CFAP53: variants seen among roughly 807,000 people sequenced by gnomAD.
CFAP53 encodes cilia and flagella associated protein 53.
In CFAP53, 62 loss-of-function variants were observed where a neutral mutation model predicts 59.7. That is an observed-to-expected ratio of 1.04 (90% CI 0.85 to 1.28). CFAP53 has a LOEUF of 1.28. Among genes scored for constraint, CFAP53 ranks in the 50% most tolerant of loss-of-function variants. CFAP53 has a pLI of 0.00. For missense variants in CFAP53, 629 were observed against 615.6 expected (o/e 1.02, Z -0.23); for synonymous variants, 218 against 205.7 (o/e 1.06, Z -0.51).
chr18:50,239,934 A>G (rs2033672810), intron 6 of CFAP53, among the ~76,000 whole-genome samples: 1 of 152,226 alleles, frequency 6.6e-6, no homozygotes, highest in Admixed American at 6.5e-5. Flanking sequence ...AATATTTTCT[A>G]TAACATTTAT....
chr18:50,252,464 C>T (rs2033810448), intron 3 of CFAP53, among the ~76,000 whole-genome samples: 2 of 151,986 alleles, frequency 1.3e-5, no homozygotes, highest in African/African-American at 4.8e-5. Context: ...AATGCAGTGG[C>T]GTGATCATGG....
intron 3 of CFAP53, among the ~76,000 whole-genome samples, chr18:50,254,983 T>C (rs753485980): frequency 9.2e-5 from 14 of 152,228 alleles, no homozygotes; most frequent in Non-Finnish European, 2.1e-4. Flanking sequence ...CAAAAACCTG[T>C]ACACAAACGT....
chr18:50,230,056 C>A (rs75944806), intron 7 of CFAP53, among the ~76,000 whole-genome samples: 2,065 of 152,198 alleles, frequency 0.014, 38 homozygotes, highest in African/African-American at 0.046. Flanking sequence ...CCATGCCTGG[C>A]CTCTTTGTAG....
At chr18:50,251,936 G>A (rs1262552346) in intron 3 of CFAP53, 152 bp from the exon 4 acceptor site, 2 of 707,144 alleles carry the variant, frequency 2.8e-6, no homozygotes, top group South Asian at 1.8e-5. Context: ...GGAGCAGCAG[G>A]GAGGGCAAGC....
chr18:50,239,590 A>G (rs2033669196), intron 6 of CFAP53, among the ~76,000 whole-genome samples: 1 of 152,240 alleles, frequency 6.6e-6, no homozygotes, highest in South Asian at 2.1e-4. Flanking sequence ...TTCTAAAATA[A>G]CAGTAAAAAG....
At chr18:50,265,560 T>C (rs2033945862) in intron 1 of CFAP53, among the ~76,000 whole-genome samples, 1 of 152,202 alleles carries the variant, frequency 6.6e-6, no homozygotes, top group South Asian at 2.1e-4. Flanking sequence ...TCCAGGATCA[T>C]TGTATCCACC....
chr18:50,247,968 T>C (rs906725927), intron 5 of CFAP53, among the ~76,000 whole-genome samples: 1 of 152,102 alleles, frequency 6.6e-6, no homozygotes, highest in Non-Finnish European at 1.5e-5. Flanking sequence ...GTTAAAAAAA[T>C]GATTTAAATG....
chr18:50,239,111 G>A (rs764400337), intron 6 of CFAP53, among the ~76,000 whole-genome samples: 4 of 150,018 alleles, frequency 2.7e-5, no homozygotes, highest in Non-Finnish European at 5.9e-5. Flanking sequence ...CTCTTGGCTG[G>A]GCACAATGCC....
At chr18:50,242,864 G>A in intron 6 of CFAP53, 36 bp downstream of exon 6, 3 of 1,539,492 alleles carry the variant, frequency 1.9e-6, no homozygotes, top group Middle Eastern at 1.7e-4. Flanking sequence ...TTGAATTAAG[G>A]GCAAGCTATA....
intron 6 of CFAP53, among the ~76,000 whole-genome samples, chr18:50,239,381 C>T (rs1358196685): frequency 6.6e-6 from 1 of 151,438 alleles, no homozygotes. Flanking sequence ...ATAAATAAAG[C>T]TCTTGTAAGT....
chr18:50,260,578 T>A (rs1194322722), intron 3 of CFAP53, among the ~76,000 whole-genome samples: 1 of 152,036 alleles, frequency 6.6e-6, no homozygotes, highest in Non-Finnish European at 1.5e-5. Flanking sequence ...GGTGGGAGGA[T>A]CACTTTGGGC....
In CFAP53 at chr18:50,262,135, C is replaced by G; in HGVS notation, c.154G>C (p.Ala52Pro). 2 of 1,614,190 alleles carry G rather than the reference C, an allele frequency of 1.2e-6. No individual in the cohort carries two copies. The highest frequency in any genetic ancestry group is 1.7e-6 in the Non-Finnish European group (2 of 1,180,038). The change falls in exon 2 of 8, where the codon GCT (alanine) becomes CCT (proline). Residue 52 changes from alanine (A) to proline (P), a missense_variant. Ala to Pro is a conservative substitution (Grantham distance 27). Transcript: ENST00000398545. ...TCCCGCTCACTTGACTTAATGGAAG[C>G]CAAAATAGCATTATGCTTCTGATGG... ...RSHQKHNAIL[A>P]SIKSSERDRL...
intron 3 of CFAP53, among the ~76,000 whole-genome samples, chr18:50,252,765 T>C (rs1455366781): frequency 1.3e-5 from 2 of 152,160 alleles, no homozygotes; most frequent in Non-Finnish European, 1.5e-5. Context: ...CTCATATCTG[T>C]AATCCCAACA....
chr18:50,234,691 A>C (rs769647790), intron 7 of CFAP53, among the ~76,000 whole-genome samples: 5 of 152,058 alleles, frequency 3.3e-5, no homozygotes, highest in Non-Finnish European at 5.9e-5. Context: ...CATATATATA[A>C]CTCCTTAGAC....
At chr18:50,242,834 T>A in intron 6 of CFAP53, 66 bp downstream of exon 6, 1 of 1,259,868 alleles carries the variant, frequency 7.9e-7, no homozygotes, top group Non-Finnish European at 1.1e-6. Context: ...TGGTTGTTAG[T>A]ATTTTGGTTG....
chr18:50,264,497 C>G (rs905204809), intron 1 of CFAP53, among the ~76,000 whole-genome samples: 1 of 152,208 alleles, frequency 6.6e-6, no homozygotes, highest in African/African-American at 2.4e-5. Context: ...CTAGGAGACA[C>G]TCATCAAATA....
At chr18:50,249,486 C>G (rs181342395) in intron 5 of CFAP53, among the ~76,000 whole-genome samples, 1 of 151,258 alleles carries the variant, frequency 6.6e-6, no homozygotes, top group African/African-American at 2.4e-5. Context: ...CCACTGCACT[C>G]CAGCCTGAGT....
intron 3 of CFAP53, among the ~76,000 whole-genome samples, chr18:50,257,115 G>A (rs1011651848): frequency 6.6e-6 from 1 of 151,976 alleles, no homozygotes; most frequent in Non-Finnish European, 1.5e-5. Flanking sequence ...ACTTTAGCCA[G>A]TTACTCTAAA....
intron 1 of CFAP53, among the ~76,000 whole-genome samples, chr18:50,265,226 C>T (rs2033933809): frequency 6.6e-6 from 1 of 152,102 alleles, no homozygotes; most frequent in Non-Finnish European, 1.5e-5. Context: ...TTTGAGCACC[C>T]ACATGATGAC....
Sources: gnomAD v4.1 joint callset for allele counts (sites outside exome capture counted in the v4.1 genomes callset) on GRCh38, gnomAD v4.1.1 for gene constraint, MANE v1.5 for transcripts, NCBI Gene and HGNC (gene_info 2026-07-23, HGNC 2026-07-21) for gene names.